The following EIF4G3 variants were observed in gnomAD, a reference collection of about 807,000 sequenced individuals.
EIF4G3 encodes eukaryotic translation initiation factor 4 gamma 3, also known as eIF-4-gamma 3.
EIF4G3 carries 34 observed loss-of-function variants against 186.4 expected under a neutral mutation model. The ratio of observed to expected loss-of-function variants is 0.18; its 90% CI spans 0.14 to 0.24. The LOEUF (loss-of-function observed/expected upper bound fraction) is 0.24. Among genes scored for constraint, EIF4G3 ranks in the 10% least tolerant of loss-of-function variants. EIF4G3 has a pLI of 1.00. For synonymous variants in EIF4G3, 673 were observed against 679.5 expected (o/e 0.99, Z 0.15); for missense variants, 1,536 against 1,948.5 (o/e 0.79, Z 3.99).
At chr1:20,900,549 G>T (rs4474218) in intron 15 of EIF4G3, among the ~76,000 whole-genome samples, 4,877 of 150,232 alleles carry the variant, frequency 0.032, 152 homozygotes, top group East Asian at 0.12. Context: ...AAAAAAAAGA[G>T]AAATCTGGGT....
intron 23 of EIF4G3, among the ~76,000 whole-genome samples, chr1:20,861,297 TACAAAAGAGTA>T (rs2154551869): frequency 6.6e-6 from 1 of 152,036 alleles, no homozygotes; most frequent in African/African-American, 2.4e-5. Context: ...GAGTGAAACT[TACAAAAGAGTA>T]ACTCCCTGTA....
At chr1:20,898,538 T>C (rs1478144514) in intron 16 of EIF4G3, among the ~76,000 whole-genome samples, 1 of 152,208 alleles carries the variant, frequency 6.6e-6, no homozygotes, top group African/African-American at 2.4e-5. Flanking sequence ...TTTTTTATTA[T>C]ATTATCCTTT....
intron 14 of EIF4G3, among the ~76,000 whole-genome samples, chr1:20,913,392 G>T (rs1459557102): frequency 1.3e-5 from 2 of 152,042 alleles, no homozygotes; most frequent in African/African-American, 4.8e-5. Flanking sequence ...TTTTTAATTA[G>T]CTGGGTGTGG....
intron 3 of EIF4G3, among the ~76,000 whole-genome samples, chr1:21,063,054 TA>T (rs2095012315): frequency 1.3e-5 from 2 of 152,274 alleles, no homozygotes; most frequent in African/African-American, 2.4e-5. Flanking sequence ...AATATATATT[TA>T]TTTTTTTAAT....
At chr1:20,815,045 G>A (rs1305510295) in intron 34 of EIF4G3, among the ~76,000 whole-genome samples, 6 of 73,842 alleles carry the variant, frequency 8.1e-5, no homozygotes, top group African/African-American at 4.9e-5. Context: ...TCGGCCTCCC[G>A]AGGTGCCGGG....
intron 10 of EIF4G3, among the ~76,000 whole-genome samples, chr1:20,973,834 A>G (rs1048079835): frequency 2.0e-5 from 3 of 152,152 alleles, no homozygotes; most frequent in South Asian, 2.1e-4. Flanking sequence ...TGTACTCCCA[A>G]TGAGCTGTTT....
At chr1:20,869,374 C>T (rs913284725) in intron 20 of EIF4G3, among the ~76,000 whole-genome samples, 1 of 126,614 alleles carries the variant, frequency 7.9e-6, no homozygotes, top group East Asian at 2.5e-4. Context: ...TCTCAAACTT[C>T]GGGGCTCAAG....
chr1:20,902,247 A>G (rs2090577571), intron 15 of EIF4G3, among the ~76,000 whole-genome samples: 1 of 152,050 alleles, frequency 6.6e-6, no homozygotes, highest in African/African-American at 2.4e-5. Context: ...TATTTTTAGT[A>G]GAGACAGGGT....
At position 20,807,421 on chromosome 1, in the gene EIF4G3, G is replaced by A; in HGVS notation, c.4824C>T (p.Ser1608=). ...SEDAFYKWES[S]KDPAEQNGKG... ...TCCCATTCTGCTCTGCAGGGTCCTT[G>A]CTGCTCTCCCATTTGTAGAAGGCAT... The change falls in exon 37 of 37, where the codon AGC becomes AGT. Residue 1608 remains serine, a synonymous_variant. Transcript: ENST00000602326. 6.2e-7 allele frequency: 1 copy of A among 1,612,700 alleles called. No individual in the cohort carries two copies. Among genetic ancestry groups the A allele is most frequent in the South Asian group, 1.1e-5 (1 of 90,912 alleles).
intron 2 of EIF4G3, among the ~76,000 whole-genome samples, chr1:21,109,328 T>C (rs1384064888): frequency 6.6e-6 from 1 of 152,110 alleles, no homozygotes; most frequent in Non-Finnish European, 1.5e-5. Flanking sequence ...CTGAGATAGC[T>C]TACAAAAAAC....
At position 20,827,702 on chromosome 1, in the gene EIF4G3, T is replaced by C. The variant is rs758090814; in HGVS notation, c.4188-4A>G. Reference sequence around the variant, plus strand: ...AAGTAAAGGTTTGCTAAATTCTCTGTAAAAGATAGGAGCAGTGATTAAGTA... The same window carrying C: ...AAGTAAAGGTTTGCTAAATTCTCTGCAAAAGATAGGAGCAGTGATTAAGTA... On this transcript the variant is annotated splice_polypyrimidine_tract_variant and splice_region_variant and intron_variant, in intron 31 of 36. Coordinates refer to ENST00000602326, the MANE Select transcript of EIF4G3 (RefSeq NM_001391906.1). 5.0e-6 allele frequency: 8 copies of C among 1,599,506 alleles called. No individual in the cohort carries two copies. The East Asian group carries it at 1.6e-4, about 31-fold the overall frequency.
At chr1:21,125,408 A>G (rs2102412200) in intron 2 of EIF4G3, among the ~76,000 whole-genome samples, 1 of 152,344 alleles carries the variant, frequency 6.6e-6, no homozygotes, top group South Asian at 2.1e-4. Flanking sequence ...ATTCCATACA[A>G]TAATAATAGC....
chr1:20,901,497 AC>A (rs1356678656), intron 15 of EIF4G3, among the ~76,000 whole-genome samples: 3 of 152,172 alleles, frequency 2.0e-5, no homozygotes, highest in Non-Finnish European at 4.4e-5. Flanking sequence ...AAAATGTGAA[AC>A]TTTTTTTTAG....
At chr1:20,863,756 T>TA (rs754346901) in intron 22 of EIF4G3, among the ~76,000 whole-genome samples, 32 of 113,626 alleles carry the variant, frequency 2.8e-4, no homozygotes, top group South Asian at 6.8e-4. Context: ...CCCTGTTACT[T>TA]AAAAAAAAAA....
intron 2 of EIF4G3, among the ~76,000 whole-genome samples, chr1:21,129,579 T>C (rs143945996): frequency 1.3e-5 from 2 of 151,898 alleles, no homozygotes; most frequent in African/African-American, 4.8e-5. Context: ...CCTCCACAGC[T>C]AGGAACAGGC....
intron 7 of EIF4G3, among the ~76,000 whole-genome samples, chr1:20,987,976 T>C (rs115048780): frequency 1.3e-5 from 2 of 152,188 alleles, no homozygotes; most frequent in Non-Finnish European, 2.9e-5. Context: ...ACACAAATGA[T>C]AAAGCAAAAC....
At chr1:21,166,696 G>A (rs1242115988) in intron 2 of EIF4G3, among the ~76,000 whole-genome samples, 1 of 152,034 alleles carries the variant, frequency 6.6e-6, no homozygotes, top group Admixed American at 6.6e-5. Context: ...TCGCACCACT[G>A]TACTCCAGCT....
At position 20,862,230 on chromosome 1, in the gene EIF4G3, G is replaced by C; in HGVS notation, c.3109C>G (p.Leu1037Val). Residue 1037 changes from leucine (L) to valine (V), a missense_variant and splice_region_variant, in exon 23 of 37, where the codon CTG becomes GTG. By Grantham distance (32) the Leu-to-Val change is conservative. Transcript: ENST00000602326. The part of the protein sequence containing the change: ...FMLQDVIDLR[L>V]CNWVSRRADQ... ...TTATTATTTTTTTTCCCACTCACCA[G>C]CCTTAGGTCTATAACATCTTGAAGC... 4 of 1,579,304 alleles carry C rather than the reference G, an allele frequency of 2.5e-6. No individual in the cohort carries two copies. Among genetic ancestry groups the C allele is most frequent in the Non-Finnish European group, 3.5e-6 (4 of 1,157,934 alleles).
At chr1:20,961,804 T>C (rs539039263) in intron 12 of EIF4G3, among the ~76,000 whole-genome samples, 2 of 152,266 alleles carry the variant, frequency 1.3e-5, no homozygotes, top group Admixed American at 1.3e-4. Flanking sequence ...AAAGAACCAT[T>C]TAAGTCAAGG....
Sources: gnomAD v4.1 joint callset for allele counts (sites outside exome capture counted in the v4.1 genomes callset) on GRCh38, gnomAD v4.1.1 for gene constraint, MANE v1.5 for transcripts, NCBI Gene and HGNC (gene_info 2026-07-23, HGNC 2026-07-21) for gene names.